The following PKIB variants were observed in gnomAD, a reference collection of about 807,000 sequenced individuals.
PKIB encodes cAMP-dependent protein kinase inhibitor beta, also known as PKI-beta.
A neutral mutation model predicts 4.5 loss-of-function variants in PKIB; 2 were observed. That is an observed-to-expected ratio of 0.44 (90% CI 0.18 to 1.39). The LOEUF (loss-of-function observed/expected upper bound fraction) is 1.39, where lower values mean the gene tolerates loss of function less well. PKIB is among the 40% of genes most tolerant of loss of function. The pLI is 0.27. For synonymous variants in PKIB, 38 were observed against 36.0 expected (o/e 1.06, Z -0.20); for missense variants, 94 against 92.6 (o/e 1.02, Z -0.06).
chr6:122,520,027 C>G lies in PKIB; in HGVS notation c.-248+42088C>G, dbSNP rs139598781. Among the ~76,000 whole-genome samples the G allele has an allele frequency of 1.9e-3, 282 of 152,250 alleles. 1 individual carries two copies. The highest frequency in any genetic ancestry group is 6.6e-3 in the South Asian group (32 of 4,820). Reference sequence around the variant, plus strand: ...GTGCCATTCATTATTGCCAAATAATCTTAATATTTCCAGTTATGTTATAGT... The same window carrying G: ...GTGCCATTCATTATTGCCAAATAATGTTAATATTTCCAGTTATGTTATAGT... On this transcript the variant is annotated intron_variant, in intron 2 of 6. Transcript: ENST00000392491.
At chr6:122,580,481 T>C (rs1262438497) in intron 2 of PKIB, among the ~76,000 whole-genome samples, 1 of 152,156 alleles carries the variant, frequency 6.6e-6, no homozygotes, top group African/African-American at 2.4e-5. Flanking sequence ...ACCTATGTTA[T>C]GCTTTTTCTC....
At chr6:122,678,777 G>A (rs554143499) in intron 3 of PKIB, among the ~76,000 whole-genome samples, 1 of 152,312 alleles carries the variant, frequency 6.6e-6, no homozygotes, top group South Asian at 2.1e-4. Context: ...CTTACTAGGA[G>A]AGTCAAAGAA....
chr6:122,496,932 G>A (rs1214497919), intron 2 of PKIB, among the ~76,000 whole-genome samples: 1 of 152,144 alleles, frequency 6.6e-6, no homozygotes, highest in Non-Finnish European at 1.5e-5. Context: ...TCACCAGACT[G>A]CCTAAGGTCA....
chr6:122,536,546 T>C (rs1777411958), intron 2 of PKIB, among the ~76,000 whole-genome samples: 1 of 152,198 alleles, frequency 6.6e-6, no homozygotes, highest in Admixed American at 6.5e-5. Context: ...TGACCAGCAG[T>C]GAATGTGATA....
At chr6:122,653,786 C>G (rs938078630) in intron 2 of PKIB, among the ~76,000 whole-genome samples, 2 of 152,100 alleles carry the variant, frequency 1.3e-5, no homozygotes, top group South Asian at 2.1e-4. Context: ...CATGGTGAAA[C>G]CCTGTCTCTA....
chr6:122,725,323 A>C lies in PKIB; in HGVS notation c.*128A>C, dbSNP rs542154784. The C allele has an allele frequency of 1.4e-6, 1 of 710,590 alleles. No individual in the cohort carries two copies. Among genetic ancestry groups the C allele is most frequent in the South Asian group, 2.0e-5 (1 of 50,492 alleles). The allele number at this position is 710,590 out of a possible 1,614,324, so 44.0% of individuals were successfully genotyped here. A position where few individuals can be genotyped will look rare whatever the true frequency, so the allele number is the denominator to read the frequency against. On this transcript the variant is annotated 3_prime_UTR_variant, in exon 5 of 5. Coordinates refer to ENST00000368452, the MANE Select transcript of PKIB (RefSeq NM_181795.3). ...CAGCCCTAAGCAGCATGTGTATATT[A>C]GATAATTGTGTTGTGATGCTACTCA...
intron 3 of PKIB, among the ~76,000 whole-genome samples, chr6:122,708,035 GC>G (rs1252402699): frequency 6.6e-6 from 1 of 152,120 alleles, no homozygotes; most frequent in Non-Finnish European, 1.5e-5. Context: ...ATCAGGCATG[GC>G]TTTTGGTCCT....
intron 1 of PKIB, among the ~76,000 whole-genome samples, chr6:122,473,130 A>C (rs944419179): frequency 1.3e-5 from 2 of 152,216 alleles, no homozygotes; most frequent in African/African-American, 4.8e-5. Flanking sequence ...GAATAGTGGA[A>C]ATGGAAATTA....
chr6:122,646,221 T>A (rs368485979), intron 2 of PKIB, among the ~76,000 whole-genome samples: 2 of 152,166 alleles, frequency 1.3e-5, no homozygotes, highest in East Asian at 3.8e-4. Context: ...TATGTGGAAG[T>A]TGCTGAAATT....
At chr6:122,625,415 C>T (rs145968370) in intron 1 of PKIB, among the ~76,000 whole-genome samples, 1,964 of 152,170 alleles carry the variant, frequency 0.013, 41 homozygotes, top group African/African-American at 0.044. Context: ...GTATCTACCA[C>T]ATGGTAGATA....
chr6:122,691,840 A>G (rs1388330081), intron 3 of PKIB, among the ~76,000 whole-genome samples: 1 of 152,116 alleles, frequency 6.6e-6, no homozygotes, highest in Admixed American at 6.6e-5. Context: ...CCTTCTTGGG[A>G]AGCCTTTTCA....
At chr6:122,679,505 A>G (rs1777816595) in intron 3 of PKIB, among the ~76,000 whole-genome samples, 1 of 152,212 alleles carries the variant, frequency 6.6e-6, no homozygotes, top group South Asian at 2.1e-4. Context: ...GAAGAGGACC[A>G]TCTAAGCTAG....
chr6:122,571,037 A>G (rs756059189), intron 2 of PKIB, among the ~76,000 whole-genome samples: 7 of 145,276 alleles, frequency 4.8e-5, no homozygotes, highest in Non-Finnish European at 9.1e-5. Flanking sequence ...TTTCAGAGAG[A>G]TGGATATCAT....
chr6:122,629,809 G>GT (rs1457619082), intron 1 of PKIB, among the ~76,000 whole-genome samples: 1 of 152,090 alleles, frequency 6.6e-6, no homozygotes, highest in Non-Finnish European at 1.5e-5. Flanking sequence ...CAAAATATCT[G>GT]TCAAACTATT....
chr6:122,485,207 ATTC>A (rs1379922799), intron 2 of PKIB, among the ~76,000 whole-genome samples: 2 of 150,630 alleles, frequency 1.3e-5, no homozygotes, highest in Non-Finnish European at 3.0e-5. Flanking sequence ...CAACAAAAAT[ATTC>A]TTTTTTTTTT....
intron 4 of PKIB, among the ~76,000 whole-genome samples, chr6:122,718,738 C>T (rs1436924325): frequency 3.3e-5 from 5 of 152,136 alleles, no homozygotes; most frequent in Non-Finnish European, 7.3e-5. Flanking sequence ...GCATCTAACC[C>T]ATTCCCGGGA....
At chr6:122,686,488 T>A (rs1778095387) in intron 3 of PKIB, among the ~76,000 whole-genome samples, 1 of 150,316 alleles carries the variant, frequency 6.7e-6, no homozygotes. Context: ...TTTTGCCCAT[T>A]TATATATATA....
At chr6:122,561,988 G>GTTTGTGTTT (rs1554220234) in intron 2 of PKIB, among the ~76,000 whole-genome samples, 27 of 24,272 alleles carry the variant, frequency 1.1e-3, no homozygotes, top group South Asian at 3.2e-3. Context: ...TTTTTTGTTT[G>GTTTGTGTTT]TTTTTGTTTT....
intron 2 of PKIB, among the ~76,000 whole-genome samples, chr6:122,639,973 T>G (rs1776063205): frequency 6.6e-6 from 1 of 152,146 alleles, no homozygotes; most frequent in Admixed American, 6.5e-5. Context: ...CAAGGCTGCT[T>G]TTGAGTTAGA....
Sources: gnomAD v4.1 joint callset for allele counts (sites outside exome capture counted in the v4.1 genomes callset) on GRCh38, gnomAD v4.1.1 for gene constraint, MANE v1.5 for transcripts, NCBI Gene and HGNC (gene_info 2026-07-23, HGNC 2026-07-21) for gene names.